The following FBN2 variants were observed in gnomAD, a reference collection of about 807,000 sequenced individuals.
The protein encoded by FBN2 is fibrillin 2.
In FBN2, 105 loss-of-function variants were observed where a neutral mutation model predicts 355.6. The observed-to-expected ratio is 0.30, with a 90% CI of 0.25 to 0.35. FBN2 has a LOEUF of 0.35. Ranked by LOEUF, FBN2 falls within the 10% of genes least tolerant of loss-of-function variation. The pLI, the probability that FBN2 is intolerant of heterozygous loss-of-function variation, is 1.00. For synonymous variants in FBN2, 1,350 were observed against 1,301.2 expected (o/e 1.04, Z -0.81); for missense variants, 3,280 against 3,758.7 (o/e 0.87, Z 3.33).
intron 6 of FBN2, among the ~76,000 whole-genome samples, chr5:128,452,811 A>G (rs1323218249): frequency 6.6e-6 from 1 of 152,132 alleles, no homozygotes; most frequent in Non-Finnish European, 1.5e-5. Context: ...TTGGGCTTCT[A>G]GTTAACCCAT....
At chr5:128,451,653 G>A (rs1754251867) in intron 6 of FBN2, among the ~76,000 whole-genome samples, 1 of 152,108 alleles carries the variant, frequency 6.6e-6, no homozygotes, top group African/African-American at 2.4e-5. Flanking sequence ...ACCCGCCTTG[G>A]CCTCCCAAAG....
intron 11 of FBN2, among the ~76,000 whole-genome samples, chr5:128,385,123 T>C (rs1348943303): frequency 6.6e-6 from 1 of 152,248 alleles, no homozygotes; most frequent in Non-Finnish European, 1.5e-5. Context: ...AAATTGCATG[T>C]CACAGGGGTT....
At chr5:128,437,479 T>C (rs907272733) in intron 7 of FBN2, among the ~76,000 whole-genome samples, 1 of 152,120 alleles carries the variant, frequency 6.6e-6, no homozygotes, top group Non-Finnish European at 1.5e-5. Context: ...TATCTAAAAA[T>C]TAACAAGAAA....
chr5:128,442,287 G>A (rs1275139517), intron 7 of FBN2: 2 of 456,022 alleles, frequency 4.4e-6, no homozygotes, highest in Non-Finnish European at 8.8e-6. Flanking sequence ...AGAATAACTA[G>A]CTCAAGGAAT....
At position 128,537,889 on chromosome 5, in the gene FBN2, A is replaced by T; in HGVS notation, c.-286T>A. 4.0e-6 allele frequency: 2 copies of T among 494,622 alleles called. No homozygotes were observed. Among genetic ancestry groups the T allele is most frequent in the East Asian group, 3.7e-5 (1 of 27,098 alleles). 30.6% of individuals were successfully genotyped at this position (494,622 alleles called of 1,614,324 possible). A position where few individuals can be genotyped will look rare whatever the true frequency, so the allele number is the denominator to read the frequency against. Reference sequence around the variant, plus strand: ...GGTACACGTTGCATAACCGGCCTAAAGCCCCGAGCGACTCCAGGACCGTCA... The same window carrying T: ...GGTACACGTTGCATAACCGGCCTAATGCCCCGAGCGACTCCAGGACCGTCA... On this transcript the variant is annotated 5_prime_UTR_variant, in exon 1 of 65. Coordinates refer to ENST00000262464, the MANE Select transcript of FBN2 (RefSeq NM_001999.4).
intron 46 of FBN2, 78 bp from the exon 47 acceptor site, chr5:128,301,588 A>C: frequency 2.2e-6 from 3 of 1,376,876 alleles, no homozygotes; most frequent in Non-Finnish European, 3.1e-6. Context: ...ACTTAAAAAC[A>C]TACTTATTGG....
chr5:128,380,970 A>C (rs1419170422), intron 11 of FBN2, among the ~76,000 whole-genome samples: 1 of 151,836 alleles, frequency 6.6e-6, no homozygotes, highest in Non-Finnish European at 1.5e-5. Context: ...AAAATTATGG[A>C]GAATGTTGAT....
At chr5:128,401,145 G>C (rs1192710942) in intron 8 of FBN2, among the ~76,000 whole-genome samples, 1 of 152,150 alleles carries the variant, frequency 6.6e-6, no homozygotes, top group Non-Finnish European at 1.5e-5. Flanking sequence ...TCAGCAGTGA[G>C]AAAACAGACT....
At chr5:128,532,215 C>G (rs1177937884) in intron 2 of FBN2, among the ~76,000 whole-genome samples, 1 of 152,168 alleles carries the variant, frequency 6.6e-6, no homozygotes, top group East Asian at 1.9e-4. Context: ...CAGCCTTTCT[C>G]CTTCCATATT....
intron 5 of FBN2, among the ~76,000 whole-genome samples, chr5:128,466,584 A>G (rs1012598665): frequency 6.6e-6 from 1 of 152,216 alleles, no homozygotes; most frequent in Non-Finnish European, 1.5e-5. Flanking sequence ...ATTTGCTTTA[A>G]AGAAGAATGA....
chr5:128,385,669 G>A (rs142709358), intron 11 of FBN2, among the ~76,000 whole-genome samples: 13 of 152,170 alleles, frequency 8.5e-5, no homozygotes. Context: ...ACCCCCACCA[G>A]CAGTGGATAA....
In FBN2 at chr5:128,291,666, G is replaced by A. The variant is rs1268575918; in HGVS notation, c.6167-12C>T. 2.5e-6 allele frequency: 4 copies of A among 1,612,606 alleles called. No homozygotes were observed. The Admixed American group carries it at 5.0e-5, about 20-fold the overall frequency. On this transcript the variant is annotated splice_polypyrimidine_tract_variant and intron_variant, in intron 48 of 64. Coordinates refer to ENST00000262464, the MANE Select transcript of FBN2 (RefSeq NM_001999.4). ...ACATTCATTTATATCTGCAGAACAG[G>A]GGGAGTATTTATTAGCCATTCAACA... is the stretch of plus-strand genomic sequence containing the variant.
chr5:128,335,956 A>G (rs1276270449), intron 28 of FBN2, 32 bp downstream of exon 28: 2 of 1,612,324 alleles, frequency 1.2e-6, no homozygotes, highest in South Asian at 1.1e-5. Flanking sequence ...TTTGAGACAT[A>G]TGAGTTTCAG....
chr5:128,310,396 ATATATATT>A (rs1179665652), intron 39 of FBN2, among the ~76,000 whole-genome samples: 87 of 18,344 alleles, frequency 4.7e-3, no homozygotes, highest in South Asian at 0.01. Context: ...ATATATATAT[ATATATATT>A]TTTTTTTTTT....
At position 128,364,652 on chromosome 5, in the gene FBN2, A is replaced by G. The variant is rs764572021; in HGVS notation, c.2376T>C (p.Arg792=). The change falls in exon 18 of 65, where the codon CGT becomes CGC. Residue 792 remains arginine (R), a synonymous_variant. Coordinates refer to ENST00000262464, the MANE Select transcript of FBN2 (RefSeq NM_001999.4). ...GTTCATAGCCACTGTTGCAATTACA[A>G]CGGTAACTACCACGTAAGTTTTCAC... ...GICENLRGSY[R]CNCNSGYEPD... The G allele has an allele frequency of 5.0e-6, 8 of 1,613,474 alleles. No individual in the cohort carries two copies. Among genetic ancestry groups the G allele is most frequent in the Non-Finnish European group, 6.8e-6 (8 of 1,179,588 alleles).
intron 25 of FBN2, among the ~76,000 whole-genome samples, chr5:128,340,424 T>C (rs1396140976): frequency 6.6e-6 from 1 of 152,236 alleles, no homozygotes; most frequent in Non-Finnish European, 1.5e-5. Flanking sequence ...TGTAAATACT[T>C]TCTTTTAAAC....
At chr5:128,486,186 A>T (rs1755333361) in intron 5 of FBN2, among the ~76,000 whole-genome samples, 1 of 152,220 alleles carries the variant, frequency 6.6e-6, no homozygotes, top group South Asian at 2.1e-4. Context: ...ACTATCATAA[A>T]CCCGTCAAAT....
chr5:128,482,910 G>A (rs563431030), intron 5 of FBN2, among the ~76,000 whole-genome samples: 2 of 152,130 alleles, frequency 1.3e-5, no homozygotes, highest in Non-Finnish European at 2.9e-5. Context: ...GGTCATGACA[G>A]TGCTACTCAC....
chr5:128,485,922 T>A (rs1166870749), intron 5 of FBN2, among the ~76,000 whole-genome samples: 1 of 152,176 alleles, frequency 6.6e-6, no homozygotes, highest in Non-Finnish European at 1.5e-5. Flanking sequence ...AAAAGATCCC[T>A]TTCTTAATTA....
Sources: allele counts gnomAD v4.1 joint callset (sites outside exome capture counted in the v4.1 genomes callset), GRCh38; gene constraint gnomAD v4.1.1; transcripts MANE v1.5; gene names NCBI Gene and HGNC (gene_info 2026-07-23, HGNC 2026-07-21).